The following COMMD4 variants were observed in gnomAD, a reference collection of about 807,000 sequenced individuals.
COMMD4 encodes the protein COMM domain containing 4.
A neutral mutation model predicts 27.5 loss-of-function variants in COMMD4; 18 were observed. The ratio of observed to expected loss-of-function variants is 0.65; its 90% CI spans 0.45 to 0.97. The LOEUF (loss-of-function observed/expected upper bound fraction) is 0.97, where lower values mean the gene tolerates loss of function less well. COMMD4 is among the 50% of genes least tolerant of loss of function. The probability of loss-of-function intolerance (pLI) is 0.00; values close to 1 mark genes in which losing one functional copy is unlikely to be tolerated. For synonymous variants in COMMD4, 108 were observed against 108.4 expected (o/e 1.00, Z 0.02); for missense variants, 243 against 250.0 (o/e 0.97, Z 0.19).
chr15:75,340,087 C>A lies in COMMD4; in HGVS notation c.*82C>A. The A allele has an allele frequency of 6.6e-7, 1 of 1,521,296 alleles. No individual in the cohort carries two copies. The highest frequency in any genetic ancestry group is 1.2e-5 in the South Asian group (1 of 85,300). The allele number at this position is 1,521,296 out of a possible 1,614,324, so 94.2% of individuals were successfully genotyped here. On this transcript the variant is annotated 3_prime_UTR_variant, in exon 8 of 8. Coordinates refer to ENST00000267935, the MANE Select transcript of COMMD4 (RefSeq NM_017828.5). ...TCTGAACTGCTCTTCGGGAGGCAGC[C>A]CTGGTTCTAGGATGCTGAGGCCCTG...
Position 75,339,310 on chromosome 15 carries a change from C to T in COMMD4, c.348C>T (p.Pro116=), listed in dbSNP as rs764258622. 1.2e-6 allele frequency: 2 copies of T among 1,612,100 alleles called. No individual in the cohort carries two copies. Among genetic ancestry groups the T allele is most frequent in the African/African-American group, 1.3e-5 (1 of 74,986 alleles). ...LCRCYEEKQS[P]LQKHLRVCSL... is the part of the protein sequence containing the mutation. ...GCTGTTATGAGGAGAAGCAAAGCCC[C>T]TTGCAGAAGCACTTGCGGGTCTGCA... Residue 116 remains proline, a synonymous_variant, in exon 6 of 8, where the codon CCC becomes CCT. Coordinates refer to ENST00000267935, the MANE Select transcript of COMMD4 (RefSeq NM_017828.5).
chr15:75,340,383 A>G, downstream of COMMD4: 1 of 212,242 alleles, frequency 4.7e-6, no homozygotes, highest in Non-Finnish European at 9.6e-6. Flanking sequence ...TCAATTGCTG[A>G]TTGAGGGAGG....
At chr15:75,342,671 A>G (rs913776346), downstream of COMMD4, 3 of 152,244 alleles carry the variant, frequency 2.0e-5, no homozygotes, top group Non-Finnish European at 2.9e-5. Flanking sequence ...GGAGGAGTAC[A>G]TTCTGGTGAT....
chr15:75,341,576 A>T (rs182864022), downstream of COMMD4: 3 of 152,276 alleles, frequency 2.0e-5, no homozygotes, highest in Admixed American at 6.5e-5. Context: ...CGAGCGATGG[A>T]GAGAAGGCAC....
intron 1 of COMMD4, 65 bp downstream of exon 1, chr15:75,336,157 C>T (rs1465795842): frequency 1.3e-6 from 2 of 1,549,494 alleles, no homozygotes; most frequent in Admixed American, 3.9e-5. Context: ...CGCCAAGTGG[C>T]TCCGGAAACT....
At chr15:75,339,205 C>G in intron 5 of COMMD4, 59 bp from the exon 6 acceptor site, 3 of 1,612,070 alleles carry the variant, frequency 1.9e-6, no homozygotes, top group Non-Finnish European at 2.5e-6. Flanking sequence ...CTGTCTGGGC[C>G]AGGAGCCCAA....
chr15:75,337,678 A>G lies in COMMD4; in HGVS notation c.4-384A>G, dbSNP rs572760621. On this transcript the variant is annotated intron_variant, in intron 1 of 7. Coordinates refer to ENST00000267935, the MANE Select transcript of COMMD4 (RefSeq NM_017828.5). ...AAGGCTGGTGTGCCCCAGCAGCAGC[A>G]GGGAAGCTGGAGTGGCTGGAGTTGT... 1.3e-5 allele frequency: 3 copies of G among 234,288 alleles called. 1 individual carries two copies. The South Asian group carries it at 2.5e-4, about 19-fold the overall frequency. 14.5% of individuals were successfully genotyped at this position (234,288 alleles called of 1,614,324 possible). A position where few individuals can be genotyped will look rare whatever the true frequency, so the allele number is the denominator to read the frequency against.
intron 1 of COMMD4, chr15:75,336,338 A>G (rs2071185587): frequency 1.6e-5 from 21 of 1,344,262 alleles, no homozygotes; most frequent in Non-Finnish European, 2.1e-5. Context: ...TCCCTGGCGG[A>G]AGGAAGGGCC....
downstream of COMMD4, chr15:75,341,564 T>G (rs1166075618): frequency 2.0e-5 from 3 of 151,996 alleles, no homozygotes; most frequent in African/African-American, 7.2e-5. Flanking sequence ...ACAAAAAGAC[T>G]CCGAGCGATG....
Position 75,339,073 on chromosome 15 carries a change from C to T in COMMD4, c.270C>T (p.Ser90=), listed in dbSNP as rs2071344322. The change falls in exon 5 of 8, where the codon TCC becomes TCT. Residue 90 remains serine, a synonymous_variant. Coordinates refer to ENST00000267935, the MANE Select transcript of COMMD4 (RefSeq NM_017828.5). ...ACAGTGTCGATGGCGAATCCTTGTC[C>T]AGTGAACTGCAGCAGCTGGGGCTGC... ...AKHSVDGESL[S]SELQQLGLPK... 1 of 1,613,728 alleles carries T rather than the reference C, an allele frequency of 6.2e-7. No individual in the cohort carries two copies. Among genetic ancestry groups the T allele is most frequent in the Non-Finnish European group, 8.5e-7 (1 of 1,179,956 alleles).
chr15:75,336,283 G>T, intron 1 of COMMD4, 191 bp downstream of exon 1: 1 of 1,488,982 alleles, frequency 6.7e-7, no homozygotes. Flanking sequence ...GGGGGTACGG[G>T]GCGGGTAAGA....
chr15:75,341,047 C>G (rs2071424688), downstream of COMMD4: 1 of 152,252 alleles, frequency 6.6e-6, no homozygotes, highest in Non-Finnish European at 1.5e-5. Context: ...CTCCAGAATT[C>G]ATATGCTGAA....
rs1595841984 is a variant in COMMD4, at chr15:75,339,740, A to C, written c.421A>C (p.Thr141Pro). 6.2e-7 allele frequency: 1 copy of C among 1,611,350 alleles called. No homozygotes were observed. The highest frequency in any genetic ancestry group is 8.5e-7 in the Non-Finnish European group (1 of 1,178,362). ...AGGTGTGGGCTGGCGGGTGGACTACACCCTGAGCTCCAGCCTGCTGCAATC... is the reference window on the plus strand; with the variant it reads ...AGGTGTGGGCTGGCGGGTGGACTACCCCCTGAGCTCCAGCCTGCTGCAATC... ...LAGVGWRVDY[T>P]LSSSLLQSVE... The change falls in exon 7 of 8, where the codon ACC (threonine) becomes CCC (proline). Residue 141 changes from threonine to proline, a missense_variant. Transcript: ENST00000267935.
chr15:75,338,128 A>G lies in COMMD4; in HGVS notation c.70A>G (p.Lys24Glu). ...CCTGGCAGAAATCAGCACGCTGGCC[A>G]AGATGGTTGAGTGCACAGGGTCTAG... ...WVLAEISTLA[K>E]MSSVKLRLLC... Residue 24 changes from lysine to glutamate, a missense_variant, in exon 2 of 8, where the codon AAG (lysine) becomes GAG (glutamate). Coordinates refer to ENST00000267935, the MANE Select transcript of COMMD4 (RefSeq NM_017828.5). The G allele has an allele frequency of 6.2e-7, 1 of 1,602,990 alleles. No individual in the cohort carries two copies. Among genetic ancestry groups the G allele is most frequent in the Non-Finnish European group, 8.5e-7 (1 of 1,174,598 alleles).
At chr15:75,337,235 G>C (rs2071234429) in intron 1 of COMMD4, 1 of 150,866 alleles carries the variant, frequency 6.6e-6, no homozygotes, top group African/African-American at 2.4e-5. Context: ...AACAGAGGGA[G>C]ACTCTGTCTT....
At position 75,336,072 on chromosome 15, in the gene COMMD4, C is replaced by A. The variant is rs765045060; in HGVS notation, c.-18C>A. 9 of 1,549,582 alleles carry A rather than the reference C, an allele frequency of 5.8e-6. No homozygotes were observed. In the South Asian group the frequency reaches 6.0e-5, roughly 10 times the overall value. Reference sequence around the variant, plus strand: ...GGGACCGGAAAAAGAAATTCCCGGGCCCTGGCTTCTTGGCGCGATGGTGAG... The same window carrying A: ...GGGACCGGAAAAAGAAATTCCCGGGACCTGGCTTCTTGGCGCGATGGTGAG... On this transcript the variant is annotated 5_prime_UTR_variant, in exon 1 of 8. Transcript: ENST00000267935.
chr15:75,338,932 G>A, intron 4 of COMMD4, 53 bp from the exon 5 acceptor site: 1 of 1,613,536 alleles, frequency 6.2e-7, no homozygotes, highest in East Asian at 2.2e-5. Context: ...AGGGCAACAG[G>A]GAGGTGGCTG....
At chr15:75,336,361 G>C (rs974367089) in intron 1 of COMMD4, 28 of 1,190,954 alleles carry the variant, frequency 2.4e-5, no homozygotes, top group Non-Finnish European at 2.8e-5. Context: ...TGCCTCCCGG[G>C]GCAGGAACTA....
chr15:75,337,968 G>C, intron 1 of COMMD4, 94 bp from the exon 2 acceptor site: 2 of 1,284,862 alleles, frequency 1.6e-6, no homozygotes, highest in Admixed American at 2.3e-5. Context: ...CGGGGACCAG[G>C]GGTCCCTGGT....
Sources: allele counts gnomAD v4.1 joint callset, GRCh38; gene constraint gnomAD v4.1.1; transcripts MANE v1.5; gene names NCBI Gene and HGNC (gene_info 2026-07-23, HGNC 2026-07-21).